NECTIN3: variants seen among roughly 807,000 people sequenced by gnomAD.
NECTIN3 encodes the protein nectin-3.
NECTIN3 carries 8 observed loss-of-function variants against 49.4 expected under a neutral mutation model. That is an observed-to-expected ratio of 0.16 (90% CI 0.10 to 0.29). The LOEUF (loss-of-function observed/expected upper bound fraction) is 0.29. NECTIN3 is among the 10% of genes least tolerant of loss of function. The probability of loss-of-function intolerance (pLI) is 1.00; values close to 1 mark genes in which losing one functional copy is unlikely to be tolerated. For missense variants in NECTIN3, 581 were observed against 654.6 expected, an observed-to-expected ratio of 0.89 and a Z score of 1.23; for synonymous variants, 277 against 241.1, an observed-to-expected ratio of 1.15 and a Z score of -1.38.
At chr3:111,159,420 T>A (rs1576169743) in intron 7 of NECTIN3, among the ~76,000 whole-genome samples, 1 of 152,350 alleles carries the variant, frequency 6.6e-6, no homozygotes, top group East Asian at 1.9e-4. Context: ...CTATCCTTAA[T>A]GGTAATTTTC....
chr3:111,098,726 A>G (rs2032731921), intron 1 of NECTIN3, among the ~76,000 whole-genome samples: 1 of 152,100 alleles, frequency 6.6e-6, no homozygotes, highest in African/African-American at 2.4e-5. Context: ...TTTTTCCAGT[A>G]CAATATGTGA....
chr3:111,159,301 C>T (rs1242207935), intron 7 of NECTIN3, among the ~76,000 whole-genome samples: 4 of 152,210 alleles, frequency 2.6e-5, no homozygotes, highest in South Asian at 4.1e-4. Flanking sequence ...TACTTCCACT[C>T]CCATTATAGT....
intron 7 of NECTIN3, among the ~76,000 whole-genome samples, chr3:111,155,188 G>A (rs1272520608): frequency 2.0e-5 from 3 of 152,112 alleles, no homozygotes; most frequent in South Asian, 2.1e-4. Context: ...CGCCTGCCTC[G>A]GCCTCCCAAA....
intron 1 of NECTIN3, among the ~76,000 whole-genome samples, chr3:111,098,333 T>C (rs1396236382): frequency 1.3e-5 from 2 of 152,216 alleles, no homozygotes; most frequent in South Asian, 2.1e-4. Context: ...GACTTAAATA[T>C]ATTCTCACAC....
At chr3:111,084,625 T>G (rs192079768) in intron 1 of NECTIN3, among the ~76,000 whole-genome samples, 85 of 152,134 alleles carry the variant, frequency 5.6e-4, no homozygotes, top group African/African-American at 1.5e-3. Context: ...GAAGGTAGGA[T>G]TTAAGAAATA....
At chr3:111,076,778 C>T (rs1053031217) in intron 1 of NECTIN3, among the ~76,000 whole-genome samples, 24 of 151,914 alleles carry the variant, frequency 1.6e-4, no homozygotes, top group African/African-American at 5.8e-4. Context: ...AGTTTGAGTC[C>T]AGCCTGGCCA....
intron 7 of NECTIN3, among the ~76,000 whole-genome samples, chr3:111,170,274 A>T (rs542491166): frequency 6.6e-6 from 1 of 152,320 alleles, no homozygotes; most frequent in East Asian, 1.9e-4. Flanking sequence ...TTATTGAATT[A>T]CTATATTGTG....
intron 1 of NECTIN3, chr3:111,077,093 A>T (rs1036957693): frequency 4.6e-6 from 1 of 216,514 alleles, no homozygotes. Flanking sequence ...TCTGCCTCCT[A>T]TGAGTCTAGA....
chr3:111,172,723 T>C lies in NECTIN3; in HGVS notation c.1222-19628T>C, dbSNP rs560598257. Among the ~76,000 whole-genome samples the C allele has an allele frequency of 2.0e-5, 3 of 152,330 alleles. No individual in the cohort carries two copies. In the East Asian group the frequency reaches 5.8e-4, roughly 29 times the overall value. ...ATTGTTATCAGGTGAATATTTTTCC[T>C]ATTGGCCTGTTTCCTTGATCTGCCA... is the stretch of plus-strand genomic sequence containing the variant. On this transcript the variant is annotated intron_variant, in intron 7 of 8. Coordinates refer to the NECTIN3 transcript ENST00000493615.
At position 111,134,347 on chromosome 3, in the gene NECTIN3, T is replaced by C; in HGVS notation, c.*132T>C. 7.0e-7 allele frequency: 1 copy of C among 1,418,642 alleles called. No individual in the cohort carries two copies. The highest frequency in any genetic ancestry group is 1.4e-5 in the African/African-American group (1 of 69,102). 87.9% of individuals were successfully genotyped at this position (1,418,642 alleles called of 1,614,324 possible). The stretch of plus-strand genomic sequence containing the variant: ...ATTTTCAAGCTTACTTTTTATATTC[T>C]AATCTGACAAATGAAAATGTAAAAT... On this transcript the variant is annotated 3_prime_UTR_variant, in exon 6 of 6. Coordinates refer to ENST00000485303, the MANE Select transcript of NECTIN3 (RefSeq NM_015480.3).
chr3:111,073,501 A>G (rs2030952875), intron 1 of NECTIN3: 1 of 152,312 alleles, frequency 6.6e-6, no homozygotes, highest in African/African-American at 2.4e-5. Context: ...GGTAAATGGA[A>G]TGTTATTAAT....
intron 7 of NECTIN3, among the ~76,000 whole-genome samples, chr3:111,179,111 A>T (rs1010408010): frequency 1.3e-5 from 2 of 152,224 alleles, no homozygotes; most frequent in African/African-American, 4.8e-5. Context: ...TACCTAAGCT[A>T]AGCCTAATGC....
At chr3:111,097,579 G>A (rs1228782305) in intron 1 of NECTIN3, among the ~76,000 whole-genome samples, 1 of 152,154 alleles carries the variant, frequency 6.6e-6, no homozygotes, top group Non-Finnish European at 1.5e-5. Context: ...CCTGGTGGGA[G>A]GTAATTGAAT....
intron 6 of NECTIN3, chr3:111,145,164 G>A: frequency 9.2e-7 from 1 of 1,088,402 alleles, no homozygotes; most frequent in East Asian, 2.6e-5. Context: ...GCCTTTGTTA[G>A]ATGACCGTGG....
chr3:111,129,344 T>C (rs947632118), intron 5 of NECTIN3, among the ~76,000 whole-genome samples: 1 of 152,184 alleles, frequency 6.6e-6, no homozygotes, highest in Non-Finnish European at 1.5e-5. Flanking sequence ...ATATGTAAAA[T>C]ATTTACATAT....
chr3:111,171,800 C>T (rs2035437960), intron 7 of NECTIN3, among the ~76,000 whole-genome samples: 1 of 152,012 alleles, frequency 6.6e-6, no homozygotes, highest in African/African-American at 2.4e-5. Context: ...GTAAAGTTCA[C>T]ATATTTTCTT....
intron 1 of NECTIN3, among the ~76,000 whole-genome samples, chr3:111,090,113 C>G (rs1357715760): frequency 1.3e-5 from 2 of 152,080 alleles, no homozygotes; most frequent in Non-Finnish European, 2.9e-5. Flanking sequence ...AACCTTTACT[C>G]TCAATCTTTC....
rs1029349051 is a variant in NECTIN3, at chr3:111,109,865, TGACATGTAAATAA to T, written c.161-2163_161-2151del. On this transcript the variant is annotated intron_variant, in intron 1 of 5. Transcript: ENST00000485303. ...ATTTGTGTATTAATATGGGGAGAATTGACATGTAAATAAGTTTTCCTACCTAGGAATATGGCAT... is the reference window on the plus strand; with the variant it reads ...ATTTGTGTATTAATATGGGGAGAATTGTTTTCCTACCTAGGAATATGGCAT... 3.3e-5 allele frequency among the ~76,000 whole-genome samples: 5 copies of T among 152,072 alleles called. No individual in the cohort carries two copies. The East Asian group carries it at 9.6e-4, about 29-fold the overall frequency.
intron 5 of NECTIN3, among the ~76,000 whole-genome samples, chr3:111,127,785 C>T (rs1017567803): frequency 7.2e-5 from 11 of 151,868 alleles, no homozygotes; most frequent in Admixed American, 2.0e-4. Context: ...CCAGGCTGGT[C>T]GTGAACTTCT....
Sources: allele counts gnomAD v4.1 joint callset (sites outside exome capture counted in the v4.1 genomes callset), GRCh38; gene constraint gnomAD v4.1.1; transcripts MANE v1.5; gene names NCBI Gene and HGNC (gene_info 2026-07-23, HGNC 2026-07-21).